The following NCKAP1 variants were observed in gnomAD, a reference collection of about 807,000 sequenced individuals.
NCKAP1 encodes NCK associated protein 1.
In NCKAP1, 21 loss-of-function variants were observed where a neutral mutation model predicts 151.2. The ratio of observed to expected loss-of-function variants is 0.14; its 90% CI spans 0.10 to 0.20. The LOEUF (loss-of-function observed/expected upper bound fraction) is 0.20, where lower values mean the gene tolerates loss of function less well. NCKAP1 is among the 10% of genes least tolerant of loss of function. NCKAP1 has a pLI of 1.00. For missense variants in NCKAP1, 933 were observed against 1,352.1 expected (o/e 0.69, Z 4.86); for synonymous variants, 484 against 451.8 (o/e 1.07, Z -0.90).
At chr2:182,975,850 A>G (rs1697811738) in intron 15 of NCKAP1, among the ~76,000 whole-genome samples, 1 of 152,154 alleles carries the variant, frequency 6.6e-6, no homozygotes, top group Non-Finnish European at 1.5e-5. Flanking sequence ...GGTTACAGTG[A>G]GCTATAACCA....
intron 23 of NCKAP1, among the ~76,000 whole-genome samples, chr2:182,946,715 A>G (rs1333455849): frequency 1.3e-5 from 2 of 148,278 alleles, no homozygotes; most frequent in Admixed American, 6.9e-5. Context: ...AGTCAGAGGT[A>G]AAAAAATAAA....
chr2:183,025,156 C>T (rs1352099248), intron 1 of NCKAP1, among the ~76,000 whole-genome samples: 1 of 151,976 alleles, frequency 6.6e-6, no homozygotes, highest in African/African-American at 2.4e-5. Context: ...TTCTAAGTAG[C>T]GAGTTTTAGT....
intron 2 of NCKAP1, among the ~76,000 whole-genome samples, chr2:183,005,855 C>G (rs756849389): frequency 6.6e-6 from 1 of 152,224 alleles, no homozygotes; most frequent in African/African-American, 2.4e-5. Flanking sequence ...ACCATTTAAA[C>G]ATGTCCCAAC....
intron 20 of NCKAP1, among the ~76,000 whole-genome samples, chr2:182,954,355 G>A (rs1234578149): frequency 6.6e-6 from 1 of 152,054 alleles, no homozygotes; most frequent in Non-Finnish European, 1.5e-5. Context: ...ATCCTACACT[G>A]ACCACCCCTA....
Position 182,978,928 on chromosome 2 carries a change from CAA to C in NCKAP1, c.1342-15_1342-14del, listed in dbSNP as rs1230823412. On this transcript the variant is annotated splice_polypyrimidine_tract_variant and intron_variant, in intron 13 of 30. Transcript: ENST00000361354. ...AAACAGAAAGATTCTGAAAAACAAACAAAAAGTAACGTTAAAAACATCTATAG... is the reference window on the plus strand; with the variant it reads ...AAACAGAAAGATTCTGAAAAACAAACAAAGTAACGTTAAAAACATCTATAG... The C allele has an allele frequency of 6.3e-7, 1 of 1,583,944 alleles. No homozygotes were observed. The highest frequency in any genetic ancestry group is 1.3e-5 in the African/African-American group (1 of 74,262).
At chr2:182,964,603 T>G in intron 17 of NCKAP1, 73 bp downstream of exon 17, 2 of 1,289,134 alleles carry the variant, frequency 1.6e-6, no homozygotes, top group Non-Finnish European at 2.1e-6. Context: ...TGACTGTAAA[T>G]ATTTGGTTGG....
At chr2:182,985,896 C>T (rs985551667) in intron 10 of NCKAP1, among the ~76,000 whole-genome samples, 20 of 151,712 alleles carry the variant, frequency 1.3e-4, no homozygotes, top group African/African-American at 4.6e-4. Context: ...GTATGCAGAG[C>T]ATAGTGGCAG....
intron 20 of NCKAP1, among the ~76,000 whole-genome samples, chr2:182,956,142 G>A (rs530160655): frequency 1.3e-5 from 2 of 152,232 alleles, no homozygotes; most frequent in Admixed American, 6.5e-5. Context: ...CCGGGTTCAC[G>A]CCATTATCTT....
intron 2 of NCKAP1, among the ~76,000 whole-genome samples, chr2:183,017,612 C>T (rs950714674): frequency 1.1e-4 from 17 of 152,104 alleles, no homozygotes; most frequent in African/African-American, 3.6e-4. Flanking sequence ...GCTGGGCAGC[C>T]GGGTTCCTAA....
At chr2:182,998,983 G>A (rs187278401) in intron 6 of NCKAP1, among the ~76,000 whole-genome samples, 167 of 152,098 alleles carry the variant, frequency 1.1e-3, no homozygotes, top group Non-Finnish European at 2.0e-3. Context: ...ACTAGAAAAC[G>A]GTGCTGAAAG....
chr2:182,929,027 T>G, intron 27 of NCKAP1, 128 bp from the exon 28 acceptor site: 1 of 601,830 alleles, frequency 1.7e-6, no homozygotes, highest in Non-Finnish European at 2.9e-6. Flanking sequence ...GTAAACTATT[T>G]TACTAGCATT....
At chr2:183,021,445 A>T (rs545777874) in intron 2 of NCKAP1, among the ~76,000 whole-genome samples, 93 of 152,154 alleles carry the variant, frequency 6.1e-4, no homozygotes, top group South Asian at 6.0e-3. Flanking sequence ...ATAAAAAATT[A>T]AAAAAAATTT....
Position 182,921,461 on chromosome 2 carries a change from C to T in NCKAP1, c.*4241G>A, listed in dbSNP as rs1449737794. 1.3e-5 allele frequency: 2 copies of T among 152,210 alleles called. No individual in the cohort carries two copies. The highest frequency in any genetic ancestry group is 1.9e-4 in the East Asian group (1 of 5,202). The allele number at this position is 152,210 out of a possible 1,614,324, so 9.4% of individuals were successfully genotyped here. On this transcript the variant is annotated 3_prime_UTR_variant, in exon 31 of 31. Transcript: ENST00000361354. ...ACAAGGCAATCACCAAGGTCACATACCTAGTACAACCCCATCTCCAGGCCA... is the reference window on the plus strand; with the variant it reads ...ACAAGGCAATCACCAAGGTCACATATCTAGTACAACCCCATCTCCAGGCCA...
At position 182,911,063 on chromosome 2, in the gene NCKAP1, T is replaced by C. The variant is rs1696385949; in HGVS notation, c.*14639A>G. ...ATGGGAGGTTGGGCACATCTCATTA[T>C]ACCCCCTCCTCACTAACTACCATTA... On this transcript the variant is annotated 3_prime_UTR_variant, in exon 31 of 31. Coordinates refer to ENST00000361354, the MANE Select transcript of NCKAP1 (RefSeq NM_013436.5). 6.6e-6 allele frequency: 1 copy of C among 151,188 alleles called. No homozygotes were observed. The highest frequency in any genetic ancestry group is 1.5e-5 in the Non-Finnish European group (1 of 67,872). 9.4% of individuals were successfully genotyped at this position (151,188 alleles called of 1,614,324 possible).
At chr2:182,981,496 C>G in intron 12 of NCKAP1, 120 bp from the exon 13 acceptor site, 1 of 620,120 alleles carries the variant, frequency 1.6e-6, no homozygotes, top group African/African-American at 1.9e-5. Context: ...TTGTTTAATA[C>G]TTAATGTCAA....
rs1559065166 is a variant in NCKAP1, at chr2:182,916,503, C to G, written c.*9199G>C. 1.3e-5 allele frequency: 2 copies of G among 152,140 alleles called. No individual in the cohort carries two copies. Among genetic ancestry groups the G allele is most frequent in the African/African-American group, 2.4e-5 (1 of 41,432 alleles). The allele number at this position is 152,140 out of a possible 1,614,324, so 9.4% of individuals were successfully genotyped here. A position where few individuals can be genotyped will look rare whatever the true frequency, so the allele number is the denominator to read the frequency against. ...AGGAGTCAGAGATAAATAATAATTACATTATGATTCAATATGTACTATAAT... is the reference window on the plus strand; with the variant it reads ...AGGAGTCAGAGATAAATAATAATTAGATTATGATTCAATATGTACTATAAT... On this transcript the variant is annotated 3_prime_UTR_variant, in exon 31 of 31. Coordinates refer to ENST00000361354, the MANE Select transcript of NCKAP1 (RefSeq NM_013436.5).
At chr2:182,935,884 T>C (rs1256401102) in intron 24 of NCKAP1, among the ~76,000 whole-genome samples, 1 of 152,160 alleles carries the variant, frequency 6.6e-6, no homozygotes, top group East Asian at 1.9e-4. Context: ...CATGCAGTTT[T>C]GGCAGGACCA....
chr2:182,989,396 C>T (rs1698122336), intron 8 of NCKAP1, among the ~76,000 whole-genome samples: 2 of 152,092 alleles, frequency 1.3e-5, no homozygotes, highest in South Asian at 4.1e-4. Context: ...GTTATTTGAA[C>T]CTGAACTGAC....
rs1184189412 is a variant in NCKAP1, at chr2:182,914,660, T to A, written c.*11042A>T. On this transcript the variant is annotated 3_prime_UTR_variant, in exon 31 of 31. Coordinates refer to ENST00000361354, the MANE Select transcript of NCKAP1 (RefSeq NM_013436.5). ...AAAACTTAAGTCACTTAGAATGACA[T>A]GAGGGGTTCTATTACTAATTTGAAG... The A allele has an allele frequency of 6.6e-6, 1 of 152,204 alleles. No homozygotes were observed. Among genetic ancestry groups the A allele is most frequent in the Non-Finnish European group, 1.5e-5 (1 of 68,024 alleles). 9.4% of individuals were successfully genotyped at this position (152,204 alleles called of 1,614,324 possible). A position where few individuals can be genotyped will look rare whatever the true frequency, so the allele number is the denominator to read the frequency against.
Sources: allele counts gnomAD v4.1 joint callset (sites outside exome capture counted in the v4.1 genomes callset), GRCh38; gene constraint gnomAD v4.1.1; transcripts MANE v1.5; gene names NCBI Gene and HGNC (gene_info 2026-07-23, HGNC 2026-07-21).